The following BMPR1A variants were observed in gnomAD, a reference collection of about 807,000 sequenced individuals.
The protein encoded by BMPR1A is bone morphogenetic protein receptor type-1A.
Under a neutral mutation model 66.0 loss-of-function variants are expected in BMPR1A, and 7 were observed. The observed-to-expected ratio is 0.11, with a 90% CI of 0.06 to 0.20. BMPR1A has a LOEUF of 0.20. BMPR1A is among the 10% of genes least tolerant of loss of function. The pLI is 1.00. For missense variants in BMPR1A, 408 were observed against 669.1 expected (o/e 0.61, Z 4.31); for synonymous variants, 200 against 229.7 (o/e 0.87, Z 1.17).
intron 2 of BMPR1A, among the ~76,000 whole-genome samples, chr10:86,857,324 TC>T (rs1564704897): frequency 2.0e-5 from 3 of 152,146 alleles, no homozygotes; most frequent in Non-Finnish European, 4.4e-5. Flanking sequence ...ACAAAGGCAT[TC>T]CTACTACCAA....
At chr10:86,779,210 T>C (rs1015881515) in intron 1 of BMPR1A, among the ~76,000 whole-genome samples, 1 of 152,248 alleles carries the variant, frequency 6.6e-6, no homozygotes, top group African/African-American at 2.4e-5. Flanking sequence ...GGGATGCAGA[T>C]GTGCCTTCAA....
intron 1 of BMPR1A, among the ~76,000 whole-genome samples, chr10:86,802,058 C>T (rs1472599784): frequency 6.6e-6 from 1 of 152,122 alleles, no homozygotes; most frequent in Non-Finnish European, 1.5e-5. Flanking sequence ...TTGCATTCCT[C>T]AGGCCATTTT....
intron 2 of BMPR1A, among the ~76,000 whole-genome samples, chr10:86,865,415 G>T (rs770007203): frequency 6.6e-6 from 1 of 152,022 alleles, no homozygotes. Context: ...CACTCTGCCC[G>T]CCAGAGAACA....
chr10:86,852,093 A>G (rs1465561491), intron 2 of BMPR1A, among the ~76,000 whole-genome samples: 1 of 151,692 alleles, frequency 6.6e-6, no homozygotes, highest in Non-Finnish European at 1.5e-5. Flanking sequence ...TTAAAAAAGA[A>G]AAGTCTGAAA....
intron 5 of BMPR1A, among the ~76,000 whole-genome samples, chr10:86,898,776 G>T (rs1843266210): frequency 6.6e-6 from 1 of 152,062 alleles, no homozygotes; most frequent in Non-Finnish European, 1.5e-5. Flanking sequence ...TTCATCGTTA[G>T]TTATATGATT....
downstream of BMPR1A, chr10:86,931,772 T>TAG (rs1843812995): frequency 6.6e-6 from 1 of 152,254 alleles, no homozygotes; most frequent in Non-Finnish European, 1.5e-5. Flanking sequence ...TGTTTCTTAG[T>TAG]ACTAATGGGA....
In BMPR1A at chr10:86,828,147, G is replaced by A. The variant is rs182670972; in HGVS notation, c.-267-10718G>A. On this transcript the variant is annotated intron_variant, in intron 1 of 12. Coordinates refer to ENST00000372037, the MANE Select transcript of BMPR1A (RefSeq NM_004329.3). ...ACCCTGGGTGACAGAGTGAGACTCTGTCTCAAGGAAAAAATTGCAGTATCA... is the reference window on the plus strand; with the variant it reads ...ACCCTGGGTGACAGAGTGAGACTCTATCTCAAGGAAAAAATTGCAGTATCA... Among the ~76,000 whole-genome samples, 276 of 150,970 alleles carry A rather than the reference G, an allele frequency of 1.8e-3. 1 individual carries two copies. The Middle Eastern group carries it at 0.021, about 11-fold the overall frequency.
intron 7 of BMPR1A, 109 bp downstream of exon 7, chr10:86,900,235 A>G: frequency 4.8e-6 from 5 of 1,044,924 alleles, no homozygotes; most frequent in South Asian, 2.7e-5. Flanking sequence ...CTGGTTGTAT[A>G]TCTCCTTTAT....
chr10:86,775,006 C>T (rs997958247), intron 1 of BMPR1A, among the ~76,000 whole-genome samples: 2 of 152,204 alleles, frequency 1.3e-5, no homozygotes, highest in African/African-American at 2.4e-5. Flanking sequence ...ATACTAAGTT[C>T]ATTTTTAGTG....
intron 2 of BMPR1A, among the ~76,000 whole-genome samples, chr10:86,848,140 T>G (rs1366318581): frequency 6.6e-6 from 1 of 151,926 alleles, no homozygotes; most frequent in Non-Finnish European, 1.5e-5. Flanking sequence ...ATCATGTTGG[T>G]CAGGCTGGTC....
chr10:86,879,725 C>T (rs1245459752), intron 3 of BMPR1A, among the ~76,000 whole-genome samples: 2 of 152,174 alleles, frequency 1.3e-5, no homozygotes, highest in South Asian at 2.1e-4. Context: ...CCCTCTCCTT[C>T]GGGTCCAGGT....
chr10:86,856,354 A>G (rs1382395205), intron 2 of BMPR1A: 6 of 386,148 alleles, frequency 1.6e-5, no homozygotes, highest in Non-Finnish European at 3.0e-5. Context: ...GGGAGAGAGT[A>G]GTCTGCGGGT....
intron 3 of BMPR1A, among the ~76,000 whole-genome samples, chr10:86,887,067 A>T (rs1843076540): frequency 6.6e-6 from 1 of 152,006 alleles, no homozygotes; most frequent in South Asian, 2.1e-4. Flanking sequence ...TCCTGACCTC[A>T]GGTGATGTGC....
intron 10 of BMPR1A, among the ~76,000 whole-genome samples, 190 bp downstream of exon 10, chr10:86,919,659 GATATAT>G (rs756284240): frequency 6.6e-6 from 1 of 151,122 alleles, no homozygotes; most frequent in Non-Finnish European, 1.5e-5. Context: ...CATAATTCTT[GATATAT>G]ATATATTTTT....
intron 1 of BMPR1A, among the ~76,000 whole-genome samples, chr10:86,832,707 C>T (rs912169152): frequency 1.3e-5 from 2 of 152,068 alleles, no homozygotes; most frequent in East Asian, 1.9e-4. Flanking sequence ...TTTCATCTAG[C>T]GTGTCTTTGA....
intron 1 of BMPR1A, among the ~76,000 whole-genome samples, chr10:86,794,555 G>A (rs900748104): frequency 3.3e-5 from 5 of 152,128 alleles, no homozygotes; most frequent in African/African-American, 1.2e-4. Flanking sequence ...AGTGCCTTTT[G>A]AAATGTATAA....
rs185614255 is a variant in BMPR1A, at chr10:86,925,598, C to T, written c.*1879C>T. On this transcript the variant is annotated 3_prime_UTR_variant, in exon 13 of 13. Coordinates refer to ENST00000372037, the MANE Select transcript of BMPR1A (RefSeq NM_004329.3). ...TTCAGAATTTTTCACCATATGTATACTGAGAAATACAAATATTTTAATCTG... is the reference window on the plus strand; with the variant it reads ...TTCAGAATTTTTCACCATATGTATATTGAGAAATACAAATATTTTAATCTG... 2.0e-5 allele frequency: 4 copies of T among 200,468 alleles called. No individual in the cohort carries two copies. The East Asian group carries it at 3.1e-4, about 16-fold the overall frequency. The allele number at this position is 200,468 out of a possible 1,614,324, so 12.4% of individuals were successfully genotyped here.
chr10:86,786,406 T>G (rs1044550667), intron 1 of BMPR1A, among the ~76,000 whole-genome samples: 1 of 152,180 alleles, frequency 6.6e-6, no homozygotes, highest in Non-Finnish European at 1.5e-5. Context: ...GCACCCTGTT[T>G]CTTGCACTGC....
intron 3 of BMPR1A, among the ~76,000 whole-genome samples, chr10:86,878,291 G>A (rs1229195850): frequency 6.6e-6 from 1 of 152,098 alleles, no homozygotes; most frequent in African/African-American, 2.4e-5. Flanking sequence ...TCAACTGTTA[G>A]GGTATAGATT....
Sources: gnomAD v4.1 joint callset for allele counts (sites outside exome capture counted in the v4.1 genomes callset) on GRCh38, gnomAD v4.1.1 for gene constraint, MANE v1.5 for transcripts, NCBI Gene and HGNC (gene_info 2026-07-23, HGNC 2026-07-21) for gene names.